GRM5: variants seen among roughly 807,000 people sequenced by gnomAD.
The protein encoded by GRM5 is glutamate metabotropic receptor 5.
In GRM5, 19 loss-of-function variants were observed where a neutral mutation model predicts 83.1. The ratio of observed to expected loss-of-function variants is 0.23; its 90% CI spans 0.16 to 0.34. The LOEUF (loss-of-function observed/expected upper bound fraction) is 0.34, where lower values mean the gene tolerates loss of function less well. Among genes scored for constraint, GRM5 ranks in the 10% least tolerant of loss-of-function variants. The pLI, the probability that GRM5 is intolerant of heterozygous loss-of-function variation, is 1.00. For missense variants in GRM5, 1,160 were observed against 1,588.3 expected (o/e 0.73, Z 4.58); for synonymous variants, 675 against 633.6 (o/e 1.07, Z -0.98).
intron 3 of GRM5, among the ~76,000 whole-genome samples, chr11:88,781,580 T>A (rs897103859): frequency 6.6e-6 from 1 of 152,218 alleles, no homozygotes. Flanking sequence ...CCAGTCATCA[T>A]AAATACATTT....
At chr11:88,984,127 C>T (rs1471356901) in intron 2 of GRM5, among the ~76,000 whole-genome samples, 1 of 151,926 alleles carries the variant, frequency 6.6e-6, no homozygotes, top group Non-Finnish European at 1.5e-5. Context: ...TTTAGTATGG[C>T]TTAAGTTTAC....
intron 2 of GRM5, among the ~76,000 whole-genome samples, chr11:88,923,910 ATATATACCTAC>A (rs891908571): frequency 2.6e-5 from 4 of 151,558 alleles, no homozygotes; most frequent in African/African-American, 9.7e-5. Flanking sequence ...ACATATTAAT[ATATATACCTAC>A]TATATACCCA....
Position 88,747,715 on chromosome 11 carries a change from A to G in GRM5, c.912-94312T>C, listed in dbSNP as rs557128514. Among the ~76,000 whole-genome samples, 5 of 152,044 alleles carry G rather than the reference A, an allele frequency of 3.3e-5. 1 individual carries two copies. In the South Asian group the frequency reaches 1.0e-3, roughly 32 times the overall value. ...TAACCGGCTATCCAGGAAAAAAAAA[A>G]AAAGATCACGTAACGAGGAGTAACA... On this transcript the variant is annotated intron_variant, in intron 3 of 9. Coordinates refer to ENST00000305447, the MANE Select transcript of GRM5 (RefSeq NM_001143831.3).
intron 3 of GRM5, among the ~76,000 whole-genome samples, chr11:88,745,198 CTTTT>C (rs71046261): frequency 0.038 from 3,273 of 86,480 alleles, 147 homozygotes; most frequent in African/African-American, 0.095. Flanking sequence ...TTTTATTTTT[CTTTT>C]TTTTTTTTTC....
At chr11:88,547,790 C>G (rs972599743) in intron 8 of GRM5, among the ~76,000 whole-genome samples, 1 of 152,118 alleles carries the variant, frequency 6.6e-6, no homozygotes, top group African/African-American at 2.4e-5. Flanking sequence ...CTGTCTGAGT[C>G]TCAGCTTTCA....
chr11:88,857,968 A>C (rs2135548151), intron 2 of GRM5, among the ~76,000 whole-genome samples: 1 of 152,198 alleles, frequency 6.6e-6, no homozygotes, highest in African/African-American at 2.4e-5. Context: ...ATTATCATGC[A>C]CCTTCATCAA....
chr11:88,937,017 A>G lies in GRM5; in HGVS notation c.662-86862T>C, dbSNP rs1473062703. On this transcript the variant is annotated intron_variant, in intron 2 of 9. Coordinates refer to ENST00000305447, the MANE Select transcript of GRM5 (RefSeq NM_001143831.3). ...CCAAAGAGAAGTTCCAATATTGGCT[A>G]TGGTATAATTTACAATTTATTATAG... Among the ~76,000 whole-genome samples, 7 of 151,738 alleles carry G rather than the reference A, an allele frequency of 4.6e-5. No homozygotes were observed. In the Admixed American group the frequency reaches 4.6e-4, roughly 10 times the overall value.
chr11:89,064,178 T>C (rs545459787), intron 1 of GRM5, among the ~76,000 whole-genome samples: 1 of 152,184 alleles, frequency 6.6e-6, no homozygotes, highest in African/African-American at 2.4e-5. Flanking sequence ...GACTACCTAA[T>C]CTTTAAACTG....
At chr11:89,038,151 T>TG (rs963646208) in intron 2 of GRM5, among the ~76,000 whole-genome samples, 5 of 144,584 alleles carry the variant, frequency 3.5e-5, no homozygotes, top group African/African-American at 1.3e-4. Context: ...TAGAATCTCA[T>TG]TGTGTGTGTG....
chr11:88,653,291 G>T lies in GRM5; in HGVS notation c.1024C>A (p.Leu342Met). ...TGGTTTGTTTCTGGCCGGAGCTTCA[G>T]ATAATAATCATCAAACCACTTGACA... ...PDVKWFDDYY[L>M]KLRPETNHRN... is the part of the protein sequence containing the mutation. Residue 342 changes from leucine to methionine, a missense_variant, in exon 4 of 10, where the codon CTG (leucine) becomes ATG (methionine). Physicochemically the swap from Leu to Met is conservative, Grantham distance 15. Transcript: ENST00000305447. 1 of 1,613,084 alleles carries T rather than the reference G, an allele frequency of 6.2e-7. No homozygotes were observed. The highest frequency in any genetic ancestry group is 8.5e-7 in the Non-Finnish European group (1 of 1,179,328).
chr11:88,540,027 G>A (rs928113498), intron 8 of GRM5, among the ~76,000 whole-genome samples: 1 of 152,172 alleles, frequency 6.6e-6, no homozygotes, highest in Non-Finnish European at 1.5e-5. Context: ...ATAGGGCCTA[G>A]TATAGAGCAG....
In GRM5 at chr11:88,804,341, G is replaced by C. The variant is rs1290122164; in HGVS notation, c.911+45565C>G. 2.7e-5 allele frequency among the ~76,000 whole-genome samples: 4 copies of C among 148,338 alleles called. No individual in the cohort carries two copies. In the South Asian group the frequency reaches 8.9e-4, roughly 33 times the overall value. The stretch of plus-strand genomic sequence containing the variant: ...GAAAATGTGGCACATATACACCATG[G>C]AATACTATGCAGCCATAAAAAATGA... On this transcript the variant is annotated intron_variant, in intron 3 of 9. Coordinates refer to ENST00000305447, the MANE Select transcript of GRM5 (RefSeq NM_001143831.3).
chr11:88,633,781 A>G (rs986550140), intron 4 of GRM5, among the ~76,000 whole-genome samples: 2 of 152,204 alleles, frequency 1.3e-5, no homozygotes, highest in African/African-American at 4.8e-5. Flanking sequence ...TTGGCCTTCC[A>G]AAGTGCTGAG....
At chr11:88,509,868 C>G (rs1371282414) in intron 9 of GRM5, among the ~76,000 whole-genome samples, 1 of 152,116 alleles carries the variant, frequency 6.6e-6, no homozygotes, top group African/African-American at 2.4e-5. Context: ...GCTGTGTGCA[C>G]AAGTGCCTGG....
At chr11:88,624,466 G>A (rs1938732400) in intron 4 of GRM5, among the ~76,000 whole-genome samples, 4 of 152,176 alleles carry the variant, frequency 2.6e-5, no homozygotes, top group Admixed American at 1.3e-4. Context: ...GTACTCCAAA[G>A]AGAATGATAA....
intron 2 of GRM5, among the ~76,000 whole-genome samples, chr11:89,033,429 A>T (rs1176122220): frequency 6.6e-6 from 1 of 152,024 alleles, no homozygotes; most frequent in Non-Finnish European, 1.5e-5. Context: ...AGGAATGGTT[A>T]AAATTTATTT....
chr11:88,553,367 T>A (rs1331509734), intron 8 of GRM5, among the ~76,000 whole-genome samples: 1 of 152,148 alleles, frequency 6.6e-6, no homozygotes, highest in African/African-American at 2.4e-5. Context: ...AGATAGTTCC[T>A]GAGAGATGTG....
At chr11:88,699,958 G>T (rs544958499) in intron 3 of GRM5, among the ~76,000 whole-genome samples, 2 of 152,210 alleles carry the variant, frequency 1.3e-5, no homozygotes, top group South Asian at 4.1e-4. Flanking sequence ...TGCAGTTGGA[G>T]GCATTCTATA....
chr11:88,713,608 T>C (rs1941331581), intron 3 of GRM5, among the ~76,000 whole-genome samples: 1 of 152,044 alleles, frequency 6.6e-6, no homozygotes, highest in South Asian at 2.1e-4. Flanking sequence ...GGTGGAGGCA[T>C]GTTTTCTTGT....
Sources: gnomAD v4.1 joint callset for allele counts (sites outside exome capture counted in the v4.1 genomes callset) on GRCh38, gnomAD v4.1.1 for gene constraint, MANE v1.5 for transcripts, NCBI Gene and HGNC (gene_info 2026-07-23, HGNC 2026-07-21) for gene names.